Variants in GRTP1 observed in about 807,000 individuals in gnomAD.
GRTP1 encodes growth hormone-regulated TBC protein 1.
Under a neutral mutation model 38.1 loss-of-function variants are expected in GRTP1, and 56 were observed. The observed-to-expected ratio is 1.47, with a 90% confidence interval of 1.19 to 1.84. GRTP1 has a LOEUF of 1.84. GRTP1 is among the 40% of genes most tolerant of loss of function. GRTP1 has a pLI of 0.00. For missense variants in GRTP1, 506 were observed against 453.9 expected (o/e 1.11, Z -1.04); for synonymous variants, 217 against 189.5 (o/e 1.14, Z -1.19).
chr13:113,363,436 A>T (rs1052192875), intron 2 of GRTP1, among the ~76,000 whole-genome samples: 2 of 151,378 alleles, frequency 1.3e-5, no homozygotes, highest in African/African-American at 2.4e-5. Context: ...CAAACTCCTG[A>T]CCTCGTGATC....
At chr13:113,332,546 T>G (rs559001995) in intron 5 of GRTP1, among the ~76,000 whole-genome samples, 1 of 151,966 alleles carries the variant, frequency 6.6e-6, no homozygotes, top group Non-Finnish European at 1.5e-5. Context: ...CAAACAACAG[T>G]ATGGCCACCT....
rs576773358 is a variant in GRTP1 at position 113,342,376 on chromosome 13, C to T, written c.562+2487G>A. Among the ~76,000 whole-genome samples, 47 of 151,788 alleles carry T rather than the reference C, an allele frequency of 3.1e-4. 1 individual carries two copies. Among genetic ancestry groups the T allele is most frequent in the Admixed American group, 1.4e-3 (21 of 15,250 alleles). On this transcript the variant is annotated intron_variant, in intron 5 of 7. Transcript: ENST00000375431. This position sits in a 1 kb window ranked among gnomAD's most constrained non-coding sequence, Gnocchi z 4.5. ...AAAAAAAATTGGCCAGGCGTAGTGG[C>T]GGGCGCCTGTAGTCCCAGCTACTCG... is the stretch of plus-strand genomic sequence containing the variant.
intron 5 of GRTP1, among the ~76,000 whole-genome samples, chr13:113,341,168 A>G (rs2043021257): frequency 6.6e-6 from 1 of 151,648 alleles, no homozygotes; most frequent in Non-Finnish European, 1.5e-5. Context: ...CGACTGCACC[A>G]TACGCTTGAA....
Position 113,356,458 on chromosome 13 carries a change from G to A in GRTP1, c.182-977C>T, listed in dbSNP as rs192743433. Among the ~76,000 whole-genome samples, 468 of 152,226 alleles carry A rather than the reference G, an allele frequency of 3.1e-3. 3 individuals carry two copies. The highest frequency in any genetic ancestry group is 0.015 in the South Asian group (71 of 4,818). Reference sequence around the variant, plus strand: ...AATTTTTGTATTCTTAGTAAAGACAGGATTTCACCATGTTGGCCAGGATGG... The same window carrying A: ...AATTTTTGTATTCTTAGTAAAGACAAGATTTCACCATGTTGGCCAGGATGG... On this transcript the variant is annotated intron_variant, in intron 2 of 7. Coordinates refer to ENST00000375431, the MANE Select transcript of GRTP1 (RefSeq NM_024719.4).
At chr13:113,350,648 C>A (rs370207160) in intron 4 of GRTP1, among the ~76,000 whole-genome samples, 1 of 152,186 alleles carries the variant, frequency 6.6e-6, no homozygotes, top group Non-Finnish European at 1.5e-5. Flanking sequence ...CCTCCCGCCA[C>A]CTGAGGCCGG....
intron 5 of GRTP1, among the ~76,000 whole-genome samples, chr13:113,332,096 T>C (rs2042879182): frequency 1.3e-5 from 2 of 151,656 alleles, no homozygotes; most frequent in Admixed American, 1.3e-4. Context: ...AAATAAAAAA[T>C]AAATTTTAAA....
At chr13:113,325,581 G>C (rs534566350) in intron 7 of GRTP1, 80 bp downstream of exon 7, 2 of 1,607,868 alleles carry the variant, frequency 1.2e-6, no homozygotes, top group Non-Finnish European at 8.5e-7. Flanking sequence ...TGCACCCTCC[G>C]GGTGGTCAGA....
At chr13:113,329,172 A>G (rs1012631658) in intron 5 of GRTP1, among the ~76,000 whole-genome samples, 7 of 152,246 alleles carry the variant, frequency 4.6e-5, no homozygotes, top group African/African-American at 1.7e-4. Flanking sequence ...GGGGGACCTA[A>G]GGTGTACAGG....
rs1303632013 is a variant in GRTP1, at chr13:113,342,241, T to C, written c.562+2622A>G. ...GAGCCACGGCTCCTGGCTGTCACTT[T>C]TTATTCTATAAAAAGTACTGTTGGG... On this transcript the variant is annotated intron_variant, in intron 5 of 7. Coordinates refer to ENST00000375431, the MANE Select transcript of GRTP1 (RefSeq NM_024719.4). This position sits in a 1 kb window ranked among gnomAD's most constrained non-coding sequence, Gnocchi z 4.5. 6.6e-6 allele frequency among the ~76,000 whole-genome samples: 1 copy of C among 152,190 alleles called. No homozygotes were observed. Among genetic ancestry groups the C allele is most frequent in the Non-Finnish European group, 1.5e-5 (1 of 68,036 alleles).
chr13:113,340,544 C>G (rs2043012273), intron 5 of GRTP1, among the ~76,000 whole-genome samples: 1 of 151,764 alleles, frequency 6.6e-6, no homozygotes, highest in Non-Finnish European at 1.5e-5. Flanking sequence ...TTTTGGGAGG[C>G]CAAGGTGGGC....
chr13:113,329,885 G>A (rs556713055), intron 5 of GRTP1, among the ~76,000 whole-genome samples: 3 of 152,348 alleles, frequency 2.0e-5, no homozygotes, highest in South Asian at 2.1e-4. Flanking sequence ...AAATGGTTAC[G>A]TGAATGAGAT....
chr13:113,345,008 C>G, intron 4 of GRTP1, 49 bp from the exon 5 acceptor site: 1 of 1,562,520 alleles, frequency 6.4e-7, no homozygotes, highest in Non-Finnish European at 8.6e-7. Flanking sequence ...TTTAAGCCCC[C>G]ATTTGATTCT....
rs948811759 is a variant in GRTP1 at position 113,349,899 on chromosome 13, C to T, written c.465+950G>A. The stretch of plus-strand genomic sequence containing the variant: ...GCTAGGTTCGAACCACCCATCGCGA[C>T]GATGTCCTTCCCTGTCCTCCTAGAA... On this transcript the variant is annotated intron_variant, in intron 4 of 7. Transcript: ENST00000375431. This position sits in a 1 kb window ranked among gnomAD's most constrained non-coding sequence, Gnocchi z 5.0. Among the ~76,000 whole-genome samples the T allele has an allele frequency of 1.4e-5, 2 of 138,226 alleles. No homozygotes were observed. Among genetic ancestry groups the T allele is most frequent in the Non-Finnish European group, 3.1e-5 (2 of 64,220 alleles). 90.7% of individuals were successfully genotyped at this position (138,226 alleles called of 152,430 possible).
intron 5 of GRTP1, among the ~76,000 whole-genome samples, chr13:113,336,293 A>G (rs952089005): frequency 5.7e-4 from 27 of 47,668 alleles, no homozygotes; most frequent in African/African-American, 1.7e-3. Context: ...AGTGGGAATA[A>G]GGTAGTTTTT....
chr13:113,350,452 C>T (rs1286880725), intron 4 of GRTP1, among the ~76,000 whole-genome samples: 5 of 130,618 alleles, frequency 3.8e-5, no homozygotes, highest in South Asian at 2.6e-4. Flanking sequence ...CACCCCACAG[C>T]GCACGCACCC....
intron 5 of GRTP1, among the ~76,000 whole-genome samples, chr13:113,327,152 T>A (rs1217781440): frequency 6.6e-6 from 1 of 152,246 alleles, no homozygotes; most frequent in African/African-American, 2.4e-5. Flanking sequence ...CCTACGTAAT[T>A]TTTTAACTTG....
chr13:113,347,532 G>GAC (rs1254011764), intron 4 of GRTP1, among the ~76,000 whole-genome samples: 8 of 86,954 alleles, frequency 9.2e-5, no homozygotes, highest in South Asian at 7.1e-4. Context: ...CTCTGTGGCT[G>GAC]AGCGGATCCG....
intron 5 of GRTP1, among the ~76,000 whole-genome samples, chr13:113,328,249 C>T (rs1194044473): frequency 1.3e-5 from 2 of 152,184 alleles, no homozygotes; most frequent in East Asian, 1.9e-4. Context: ...ACCGAGGCTC[C>T]GGGACGGCAC....
chr13:113,333,472 T>G (rs941321299), intron 5 of GRTP1, among the ~76,000 whole-genome samples: 1 of 152,110 alleles, frequency 6.6e-6, no homozygotes, highest in African/African-American at 2.4e-5. Context: ...AACAAAGATT[T>G]CTCTTCAGTG....
Sources: allele counts gnomAD v4.1 joint callset (sites outside exome capture counted in the v4.1 genomes callset), GRCh38; gene constraint gnomAD v4.1.1; non-coding constraint Gnocchi (gnomAD v3.1); transcripts MANE v1.5; gene names NCBI Gene and HGNC (gene_info 2026-07-23, HGNC 2026-07-21).